MACROD2: variants seen among roughly 807,000 people sequenced by gnomAD.
MACROD2 encodes ADP-ribose glycohydrolase MACROD2.
MACROD2 carries 36 observed loss-of-function variants against 70.4 expected under a neutral mutation model. That is an observed-to-expected ratio of 0.51 (90% confidence interval 0.39 to 0.68). The LOEUF (loss-of-function observed/expected upper bound fraction) is 0.68. Among genes scored for constraint, MACROD2 ranks in the 30% least tolerant of loss-of-function variants. The pLI is 0.00. For missense variants in MACROD2, 496 were observed against 538.4 expected, an observed-to-expected ratio of 0.92 and a Z score of 0.78; for synonymous variants, 172 against 178.8, an observed-to-expected ratio of 0.96 and a Z score of 0.30.
chr20:15,193,983 C>T (rs543533772), intron 5 of MACROD2, among the ~76,000 whole-genome samples: 1 of 152,094 alleles, frequency 6.6e-6, no homozygotes, highest in Admixed American at 6.5e-5. Flanking sequence ...TGGTGGCTCA[C>T]ACCTGTAATC....
chr20:14,278,258 C>G (rs1475301918), intron 3 of MACROD2, among the ~76,000 whole-genome samples: 20 of 152,114 alleles, frequency 1.3e-4, no homozygotes, highest in Admixed American at 7.9e-4. Flanking sequence ...TTGTTTCTTT[C>G]AAAGGTATTC....
rs145428802 is a variant in MACROD2 at position 15,703,388 on chromosome 20, C to T, written c.646-159357C>T. Among the ~76,000 whole-genome samples, 1,170 of 152,274 alleles carry T rather than the reference C, an allele frequency of 7.7e-3. 10 individuals are homozygous for T. The highest frequency in any genetic ancestry group is 0.027 in the African/African-American group (1,123 of 41,542). ...CACAGCCTCTGTCACTTCCTATTTTCTCTCTGACTCAGGAAGGAGTCACTT... is the reference window on the plus strand; with the variant it reads ...CACAGCCTCTGTCACTTCCTATTTTTTCTCTGACTCAGGAAGGAGTCACTT... On this transcript the variant is annotated intron_variant, in intron 8 of 17. Coordinates refer to ENST00000684519, the MANE Select transcript of MACROD2 (RefSeq NM_001351661.2).
rs2053926243 is a variant in MACROD2 at position 14,077,180 on chromosome 20, GA to G, written c.164-8440del. Among the ~76,000 whole-genome samples the G allele has an allele frequency of 2.0e-5, 3 of 151,916 alleles. No individual in the cohort carries two copies. The South Asian group carries it at 6.2e-4, about 32-fold the overall frequency. ...AGACTTACATTACATTACATTAATA[GA>G]TATTCATTAAAATCTACATAATTTC... On this transcript the variant is annotated intron_variant, in intron 2 of 17. Coordinates refer to ENST00000684519, the MANE Select transcript of MACROD2 (RefSeq NM_001351661.2).
intron 3 of MACROD2, among the ~76,000 whole-genome samples, chr20:14,282,872 A>G (rs1280370704): frequency 6.6e-6 from 1 of 152,196 alleles, no homozygotes; most frequent in Non-Finnish European, 1.5e-5. Flanking sequence ...CCATGTTCCA[A>G]ACACTTCCCA....
At position 15,910,393 on chromosome 20, in the gene MACROD2, C is replaced by CGT. The variant is rs1568634216; in HGVS notation, c.776-22883_776-22882insGT. Among the ~76,000 whole-genome samples, 397 of 105,774 alleles carry CGT rather than the reference C, an allele frequency of 3.8e-3. 2 individuals carry two copies. Among genetic ancestry groups the CGT allele is most frequent in the South Asian group, 0.027 (66 of 2,482 alleles). 69.4% of individuals were successfully genotyped at this position (105,774 alleles called of 152,430 possible). A position where few individuals can be genotyped will look rare whatever the true frequency, so the allele number is the denominator to read the frequency against. On this transcript the variant is annotated intron_variant, in intron 10 of 17. Transcript: ENST00000684519. ...ATTGTGATGTGGCCAAGTCAGAGGA[C>CGT]ATGTGTGTGTGTGTGTGTGTGTGTG...
chr20:14,258,561 AT>A (rs1348795634), intron 3 of MACROD2, among the ~76,000 whole-genome samples: 6 of 151,260 alleles, frequency 4.0e-5, no homozygotes, highest in Non-Finnish European at 7.4e-5. Context: ...TTTTGATGGG[AT>A]TTTTTTTCTT....
chr20:15,879,541 T>A (rs1386500009), intron 9 of MACROD2, among the ~76,000 whole-genome samples: 1 of 152,176 alleles, frequency 6.6e-6, no homozygotes, highest in Non-Finnish European at 1.5e-5. Flanking sequence ...AGGCATGTGC[T>A]TTATAATTTT....
At chr20:15,243,026 C>G (rs77437519) in intron 6 of MACROD2, among the ~76,000 whole-genome samples, 4,474 of 152,188 alleles carry the variant, frequency 0.029, 215 homozygotes, top group African/African-American at 0.1. Flanking sequence ...CAAAATGGTT[C>G]CAAGTTGGTG....
intron 5 of MACROD2, among the ~76,000 whole-genome samples, chr20:14,945,267 G>A (rs569593621): frequency 6.6e-6 from 1 of 151,980 alleles, no homozygotes; most frequent in African/African-American, 2.4e-5. Flanking sequence ...TAATAGAGCT[G>A]GGTTTTCATC....
chr20:15,067,625 C>G (rs1391305486), intron 5 of MACROD2, among the ~76,000 whole-genome samples: 1 of 152,150 alleles, frequency 6.6e-6, no homozygotes. Flanking sequence ...GCTGGGATTA[C>G]AGGTGTGAGC....
intron 5 of MACROD2, among the ~76,000 whole-genome samples, chr20:15,196,511 G>C (rs1470287341): frequency 1.3e-5 from 2 of 152,188 alleles, no homozygotes; most frequent in East Asian, 3.9e-4. Flanking sequence ...CATAATCCTT[G>C]GGATTATACC....
chr20:15,895,535 C>CT (rs1385914452), intron 10 of MACROD2, among the ~76,000 whole-genome samples: 1 of 152,208 alleles, frequency 6.6e-6, no homozygotes, highest in African/African-American at 2.4e-5. Flanking sequence ...ACCCTCCCAA[C>CT]TTTAGAGGGG....
intron 6 of MACROD2, among the ~76,000 whole-genome samples, chr20:15,284,178 G>C (rs1173768415): frequency 6.6e-6 from 1 of 151,884 alleles, no homozygotes; most frequent in African/African-American, 2.4e-5. Context: ...TTAATCTGTA[G>C]GTTTCTGTCT....
intron 8 of MACROD2, among the ~76,000 whole-genome samples, chr20:15,823,275 CGTGTGTGTGTGT>C (rs11471023): frequency 1.9e-4 from 24 of 128,742 alleles, no homozygotes; most frequent in Middle Eastern, 4.3e-3. Flanking sequence ...GTGAGCTCTT[CGTGTGTGTGTGT>C]GTGTGTGTGT....
At chr20:16,035,316 A>G (rs2067220505) in intron 15 of MACROD2, among the ~76,000 whole-genome samples, 1 of 151,076 alleles carries the variant, frequency 6.6e-6, no homozygotes, top group African/African-American at 2.4e-5. Context: ...ATAAACATGC[A>G]TGTGCAAGTA....
chr20:14,614,390 C>A (rs1000219493), intron 4 of MACROD2, among the ~76,000 whole-genome samples: 1 of 152,098 alleles, frequency 6.6e-6, no homozygotes, highest in Admixed American at 6.6e-5. Context: ...GTGCTCACCT[C>A]ACCCATTAAA....
chr20:15,423,903 G>A (rs1333256298), intron 6 of MACROD2, among the ~76,000 whole-genome samples: 1 of 152,168 alleles, frequency 6.6e-6, no homozygotes, highest in Non-Finnish European at 1.5e-5. Flanking sequence ...CAGTTCTGGA[G>A]GCTGGGAATC....
chr20:14,717,221 A>T (rs949415447), intron 5 of MACROD2, among the ~76,000 whole-genome samples: 5 of 152,110 alleles, frequency 3.3e-5, no homozygotes, highest in Non-Finnish European at 7.4e-5. Flanking sequence ...ACTATACTAT[A>T]TTTTCTATAT....
intron 2 of MACROD2, among the ~76,000 whole-genome samples, chr20:14,044,911 A>T (rs1163634257): frequency 6.6e-6 from 1 of 152,170 alleles, no homozygotes; most frequent in Non-Finnish European, 1.5e-5. Context: ...GCCACGCAGG[A>T]GCCCATGGCA....
Sources: gnomAD v4.1 joint callset for allele counts (sites outside exome capture counted in the v4.1 genomes callset) on GRCh38, gnomAD v4.1.1 for gene constraint, MANE v1.5 for transcripts, NCBI Gene and HGNC (gene_info 2026-07-23, HGNC 2026-07-21) for gene names.